The following TUB variants were observed in gnomAD, a reference collection of about 807,000 sequenced individuals.
The protein encoded by TUB is TUB bipartite transcription factor.
TUB carries 33 observed loss-of-function variants against 59.7 expected under a neutral mutation model. The ratio of observed to expected loss-of-function variants is 0.55; its 90% CI spans 0.42 to 0.74. TUB has a LOEUF of 0.74. Among genes scored for constraint, TUB ranks in the 30% least tolerant of loss-of-function variants. The probability of loss-of-function intolerance (pLI) is 0.00; values close to 1 mark genes in which losing one functional copy is unlikely to be tolerated. For missense variants in TUB, 659 were observed against 672.0 expected (o/e 0.98, Z 0.21); for synonymous variants, 293 against 256.4 (o/e 1.14, Z -1.36).
upstream of TUB, chr11:8,076,642 G>C (rs920484151): frequency 6.6e-6 from 1 of 152,204 alleles, no homozygotes; most frequent in Non-Finnish European, 1.5e-5. Context: ...GAAACACACA[G>C]AGGAGCACCT....
chr11:8,081,679 C>T (rs1943567218), intron 1 of TUB, 131 bp downstream of exon 1: 2 of 1,022,772 alleles, frequency 2.0e-6, no homozygotes, highest in South Asian at 5.5e-5. Context: ...GGGTTGGAGT[C>T]GCTGGTCCTT....
upstream of TUB, chr11:8,038,543 A>G (rs945802531): frequency 5.9e-5 from 60 of 1,021,042 alleles, no homozygotes; most frequent in Non-Finnish European, 5.2e-5. Flanking sequence ...CTGGGTTGCT[A>G]TAGTAACCCA....
At chr11:8,095,724 A>G (rs1943962798) in intron 5 of TUB, 59 bp downstream of exon 5, 1 of 1,515,666 alleles carries the variant, frequency 6.6e-7, no homozygotes, top group Non-Finnish European at 8.9e-7. Flanking sequence ...TCTCAGATGC[A>G]CCTTTCTCTG....
At chr11:8,098,186 G>C (rs796477437) in intron 8 of TUB, among the ~76,000 whole-genome samples, 3 of 152,014 alleles carry the variant, frequency 2.0e-5, no homozygotes, top group African/African-American at 7.2e-5. Flanking sequence ...TGAGGGAAGA[G>C]ACACACAGCA....
chr11:8,049,280 C>T (rs1439537006), intron 2 of TUB, among the ~76,000 whole-genome samples: 1 of 152,144 alleles, frequency 6.6e-6, no homozygotes, highest in African/African-American at 2.4e-5. Flanking sequence ...GCTGAGGCTT[C>T]CACAGCTCAG....
At chr11:8,086,429 G>C (rs183450571) in intron 1 of TUB, among the ~76,000 whole-genome samples, 1 of 152,122 alleles carries the variant, frequency 6.6e-6, no homozygotes, top group African/African-American at 2.4e-5. Context: ...GGAGCTTTTG[G>C]TGCTGCTCTT....
intron 1 of TUB, among the ~76,000 whole-genome samples, chr11:8,089,297 T>C (rs1172363910): frequency 2.0e-5 from 3 of 152,080 alleles, no homozygotes; most frequent in Non-Finnish European, 4.4e-5. Context: ...TCTGGATAGT[T>C]CTCTTGGATC....
At position 8,104,892 on chromosome 11, in the gene TUB, G is replaced by T. The variant is rs2133945597; in HGVS notation, c.*3273G>T. 6.6e-6 allele frequency: 1 copy of T among 150,880 alleles called. No homozygotes were observed. Among genetic ancestry groups the T allele is most frequent in the South Asian group, 2.1e-4 (1 of 4,768 alleles). 9.3% of individuals were successfully genotyped at this position (150,880 alleles called of 1,614,324 possible). ...GAACTTTCGGAGCCTGCCTCCTTCAGTGACAAGTAGGGCACAAAATTCTAG... is the reference window on the plus strand; with the variant it reads ...GAACTTTCGGAGCCTGCCTCCTTCATTGACAAGTAGGGCACAAAATTCTAG... On this transcript the variant is annotated 3_prime_UTR_variant, in exon 12 of 12. Coordinates refer to ENST00000299506, the MANE Select transcript of TUB (RefSeq NM_177972.3).
At chr11:8,098,006 T>C (rs1944078611) in intron 8 of TUB, among the ~76,000 whole-genome samples, 180 bp downstream of exon 8, 1 of 152,044 alleles carries the variant, frequency 6.6e-6, no homozygotes. Flanking sequence ...AGAGCCAGAC[T>C]TGGAGATGGG....
chr11:8,052,539 G>A (rs11822728), intron 2 of TUB, among the ~76,000 whole-genome samples: 23,581 of 148,026 alleles, frequency 0.16, 2,055 homozygotes, highest in African/African-American at 0.21. Context: ...GTGCAATCTC[G>A]GCTCACTGCA....
chr11:8,052,133 A>G (rs1338912745), intron 2 of TUB, among the ~76,000 whole-genome samples: 1 of 152,214 alleles, frequency 6.6e-6, no homozygotes, highest in East Asian at 1.9e-4. Flanking sequence ...ATGCCTCCTC[A>G]TTCTTTTACG....
chr11:8,022,557 C>T (rs1027613190), intron 1 of TUB, among the ~76,000 whole-genome samples: 5 of 152,166 alleles, frequency 3.3e-5, no homozygotes, highest in Non-Finnish European at 7.3e-5. Flanking sequence ...TATCTATTGC[C>T]ATGTTAACAA....
chr11:8,061,313 C>T (rs759061066), intron 2 of TUB, among the ~76,000 whole-genome samples: 2 of 152,228 alleles, frequency 1.3e-5, no homozygotes, highest in Non-Finnish European at 2.9e-5. Flanking sequence ...CAGCTGGGCG[C>T]TCTCAGTAAA....
Position 8,081,304 on chromosome 11 carries a change from CCATCT to C in TUB, c.-205_-201del. 1.1e-6 allele frequency: 1 copy of C among 915,888 alleles called. No individual in the cohort carries two copies. The highest frequency in any genetic ancestry group is 1.3e-6 in the Non-Finnish European group (1 of 766,598). The allele number at this position is 915,888 out of a possible 1,614,324, so 56.7% of individuals were successfully genotyped here. A position where few individuals can be genotyped will look rare whatever the true frequency, so the allele number is the denominator to read the frequency against. ...GACCCGCGCACTCCCGGAGCTTCGC[CCATCT>C]CGCCTCGCCGCGCCGCGCAGGCAGC... On this transcript the variant is annotated 5_prime_UTR_variant, in exon 1 of 12. Coordinates refer to ENST00000299506, the MANE Select transcript of TUB (RefSeq NM_177972.3).
chr11:8,074,739 C>CTTTT (rs1157516500), intron 2 of TUB, among the ~76,000 whole-genome samples: 1 of 60,616 alleles, frequency 1.6e-5, no homozygotes, highest in Non-Finnish European at 2.9e-5. Flanking sequence ...GACCTCGTGT[C>CTTTT]TTTTTTTTTT....
intron 1 of TUB, among the ~76,000 whole-genome samples, chr11:8,082,078 A>T (rs562470221): frequency 6.6e-6 from 1 of 152,356 alleles, no homozygotes; most frequent in East Asian, 1.9e-4. Flanking sequence ...TCTTGGGCTC[A>T]CAAAGACACA....
intron 2 of TUB, among the ~76,000 whole-genome samples, chr11:8,065,663 G>A (rs138678383): frequency 3.0e-4 from 46 of 152,288 alleles, no homozygotes; most frequent in Non-Finnish European, 5.0e-4. Context: ...CACTCTAGAC[G>A]AGGTGGAGGG....
chr11:8,092,807 C>A (rs1943824128), intron 3 of TUB, among the ~76,000 whole-genome samples: 1 of 152,182 alleles, frequency 6.6e-6, no homozygotes, highest in South Asian at 2.1e-4. Context: ...ACCCCGCCTA[C>A]AGCATTAGTT....
At chr11:8,065,546 G>A (rs1046071633) in intron 2 of TUB, among the ~76,000 whole-genome samples, 5 of 152,194 alleles carry the variant, frequency 3.3e-5, no homozygotes, top group Admixed American at 2.0e-4. Flanking sequence ...AATAATACAT[G>A]ACAGCACTCA....
Sources: allele counts gnomAD v4.1 joint callset (sites outside exome capture counted in the v4.1 genomes callset), GRCh38; gene constraint gnomAD v4.1.1; transcripts MANE v1.5; gene names NCBI Gene and HGNC (gene_info 2026-07-23, HGNC 2026-07-21).